TBC1D5: variants seen among roughly 807,000 people sequenced by gnomAD.
The protein encoded by TBC1D5 is TBC1 domain family, member 5.
Under a neutral mutation model 100.3 loss-of-function variants are expected in TBC1D5, and 75 were observed. The ratio of observed to expected loss-of-function variants is 0.75; its 90% CI spans 0.62 to 0.91. TBC1D5 has a LOEUF of 0.91. Ranked by LOEUF, TBC1D5 falls within the 40% of genes least tolerant of loss-of-function variation. The pLI is 0.00. For synonymous variants in TBC1D5, 323 were observed against 325.6 expected, an observed-to-expected ratio of 0.99 and a Z score of 0.09; for missense variants, 910 against 942.4, an observed-to-expected ratio of 0.97 and a Z score of 0.45.
At chr3:17,178,663 T>C (rs1559358751) in intron 19 of TBC1D5, among the ~76,000 whole-genome samples, 1 of 152,122 alleles carries the variant, frequency 6.6e-6, no homozygotes. Flanking sequence ...ATTTATTTTA[T>C]TTTTTTAGAG....
At chr3:17,658,377 G>A (rs1007156798) in intron 1 of TBC1D5, among the ~76,000 whole-genome samples, 2 of 152,150 alleles carry the variant, frequency 1.3e-5, no homozygotes, top group African/African-American at 4.8e-5. Flanking sequence ...CAGTAGAAGG[G>A]AGTTAGAACT....
chr3:17,183,939 A>C (rs2068730027), intron 19 of TBC1D5, among the ~76,000 whole-genome samples: 1 of 152,162 alleles, frequency 6.6e-6, no homozygotes, highest in Non-Finnish European at 1.5e-5. Context: ...TGGTATTGCC[A>C]TTTCTCAACA....
intron 13 of TBC1D5, among the ~76,000 whole-genome samples, chr3:17,348,268 T>C (rs1428590844): frequency 6.6e-6 from 1 of 152,246 alleles, no homozygotes; most frequent in African/African-American, 2.4e-5. Context: ...ACAACATTGC[T>C]TTAATAAATG....
intron 1 of TBC1D5, among the ~76,000 whole-genome samples, chr3:17,693,710 C>A (rs1431930085): frequency 6.6e-6 from 1 of 152,380 alleles, no homozygotes; most frequent in East Asian, 1.9e-4. Context: ...CCCTGTCTGA[C>A]GGCTCTGAAG....
At chr3:17,364,090 T>C (rs796534288) in intron 13 of TBC1D5, among the ~76,000 whole-genome samples, 7 of 152,134 alleles carry the variant, frequency 4.6e-5, no homozygotes, top group African/African-American at 1.7e-4. Flanking sequence ...ATCTAGAATG[T>C]CTTCACTGAT....
At chr3:17,677,561 G>C (rs1426560449) in intron 1 of TBC1D5, among the ~76,000 whole-genome samples, 3 of 152,266 alleles carry the variant, frequency 2.0e-5, no homozygotes, top group South Asian at 4.1e-4. Context: ...CTGTAAACTA[G>C]TTCAGCCAAA....
At chr3:17,734,802 C>T (rs1391251765) in intron 1 of TBC1D5, among the ~76,000 whole-genome samples, 1 of 152,146 alleles carries the variant, frequency 6.6e-6, no homozygotes, top group Non-Finnish European at 1.5e-5. Flanking sequence ...TAAAGATGGG[C>T]AACCCAGGCG....
In TBC1D5 at chr3:17,323,410, G is replaced by A. The variant is rs539840869; in HGVS notation, c.996-15276C>T. Among the ~76,000 whole-genome samples the A allele has an allele frequency of 9.9e-5, 15 of 152,172 alleles. No individual in the cohort carries two copies. The South Asian group carries it at 3.1e-3, about 32-fold the overall frequency. ...ACCATATATAATAGGCATAGAGACT[G>A]GAAAGGAAGAAATAAAACTGTAAGT... On this transcript the variant is annotated intron_variant, in intron 13 of 21. Transcript: ENST00000253692.
chr3:17,380,323 T>A (rs1195998228), intron 9 of TBC1D5, among the ~76,000 whole-genome samples: 1 of 152,106 alleles, frequency 6.6e-6, no homozygotes, highest in African/African-American at 2.4e-5. Flanking sequence ...AAGCTCAGTT[T>A]TGACTTTCAT....
intron 2 of TBC1D5, among the ~76,000 whole-genome samples, chr3:17,617,302 G>A (rs1394139673): frequency 6.6e-6 from 1 of 152,152 alleles, no homozygotes; most frequent in Non-Finnish European, 1.5e-5. Flanking sequence ...CTTTCTGTCT[G>A]GCTGCCCTTA....
At chr3:17,660,698 T>C (rs763632100) in intron 1 of TBC1D5, among the ~76,000 whole-genome samples, 13 of 152,206 alleles carry the variant, frequency 8.5e-5, no homozygotes, top group African/African-American at 1.2e-4. Flanking sequence ...GTCAGGCTGA[T>C]AACCTTGCTC....
At chr3:17,219,739 T>C (rs2074064843) in intron 17 of TBC1D5, among the ~76,000 whole-genome samples, 1 of 152,046 alleles carries the variant, frequency 6.6e-6, no homozygotes, top group South Asian at 2.1e-4. Flanking sequence ...ACTGTAGAGC[T>C]CGAAAGAGGG....
intron 20 of TBC1D5, 146 bp downstream of exon 21, chr3:17,167,603 G>C (rs898208523): frequency 5.9e-6 from 4 of 679,948 alleles, no homozygotes; most frequent in African/African-American, 1.8e-5. Context: ...GGGGCACAAA[G>C]AGGTGGTGAT....
chr3:17,629,538 A>G (rs60940413), intron 1 of TBC1D5, among the ~76,000 whole-genome samples: 10,328 of 152,260 alleles, frequency 0.068, 704 homozygotes, highest in African/African-American at 0.18. Context: ...ACAGAGTCAA[A>G]CACAAGTAGC....
chr3:17,503,606 C>T (rs2095810234), intron 3 of TBC1D5, among the ~76,000 whole-genome samples: 1 of 149,590 alleles, frequency 6.7e-6, no homozygotes, highest in Admixed American at 6.6e-5. Context: ...CTGGTTCTAT[C>T]ATATTTCATA....
At chr3:17,710,826 T>G (rs1281500492) in intron 1 of TBC1D5, among the ~76,000 whole-genome samples, 1 of 151,826 alleles carries the variant, frequency 6.6e-6, no homozygotes, top group African/African-American at 2.4e-5. Context: ...GCCTCCTGAG[T>G]AGCTAGGATT....
At chr3:17,440,308 T>TC in intron 3 of TBC1D5, among the ~76,000 whole-genome samples, 1 of 151,880 alleles carries the variant, frequency 6.6e-6, no homozygotes, top group Non-Finnish European at 1.5e-5. Context: ...TTGGTCTTTA[T>TC]CCCCCAAAAA....
At chr3:17,585,544 A>G (rs1000497196) in intron 2 of TBC1D5, among the ~76,000 whole-genome samples, 1 of 152,314 alleles carries the variant, frequency 6.6e-6, no homozygotes, top group Non-Finnish European at 1.5e-5. Flanking sequence ...GTCATTTGAC[A>G]GCTTATATTG....
chr3:17,643,275 G>A (rs945266258), intron 1 of TBC1D5, among the ~76,000 whole-genome samples: 1 of 152,024 alleles, frequency 6.6e-6, no homozygotes, highest in Non-Finnish European at 1.5e-5. Context: ...TATAAGTGAT[G>A]TGCCCTCTTT....
Sources: allele counts gnomAD v4.1 joint callset (sites outside exome capture counted in the v4.1 genomes callset), GRCh38; gene constraint gnomAD v4.1.1; transcripts MANE v1.5; gene names NCBI Gene and HGNC (gene_info 2026-07-23, HGNC 2026-07-21).